Variants in CFAP77 observed in about 807,000 individuals in gnomAD.
CFAP77 encodes the protein cilia- and flagella-associated protein 77.
Under a neutral mutation model 31.1 loss-of-function variants are expected in CFAP77, and 25 were observed. That is an observed-to-expected ratio of 0.80 (90% CI 0.59 to 1.12). The LOEUF (loss-of-function observed/expected upper bound fraction) is 1.12, where lower values mean the gene tolerates loss of function less well. CFAP77 is among the 50% of genes most tolerant of loss of function. The pLI, the probability that CFAP77 is intolerant of heterozygous loss-of-function variation, is 0.00. For synonymous variants in CFAP77, 151 were observed against 159.9 expected (o/e 0.94, Z 0.42); for missense variants, 377 against 397.3 (o/e 0.95, Z 0.44).
intron 1 of CFAP77, among the ~76,000 whole-genome samples, chr9:132,447,552 G>C (rs1589855479): frequency 6.6e-6 from 1 of 152,150 alleles, no homozygotes; most frequent in Non-Finnish European, 1.5e-5. Flanking sequence ...CCTTTTCTTG[G>C]CCATCCCCAT....
intron 1 of CFAP77, among the ~76,000 whole-genome samples, chr9:132,457,392 C>T (rs978401646): frequency 6.6e-6 from 1 of 152,238 alleles, no homozygotes; most frequent in South Asian, 2.1e-4. Context: ...AATAGCTCGA[C>T]TGTGTCACTG....
At position 132,512,529 on chromosome 9, in the gene CFAP77, T is replaced by C. The variant is rs957121894; in HGVS notation, c.524+12929T>C. On this transcript the variant is annotated intron_variant, in intron 3 of 5. Coordinates refer to ENST00000393216, the MANE Select transcript of CFAP77 (RefSeq NM_001282957.2). The stretch of plus-strand genomic sequence containing the variant: ...AGAGTGTCCTGCATTTTAGGTGTCG[T>C]TGGGTTTTGAGAAAACAATCTTTAG... Among the ~76,000 whole-genome samples the C allele has an allele frequency of 5.3e-5, 8 of 152,208 alleles. No individual in the cohort carries two copies. The East Asian group carries it at 1.2e-3, about 22-fold the overall frequency.
chr9:132,531,388 C>T (rs573688473), intron 3 of CFAP77, among the ~76,000 whole-genome samples: 2 of 152,280 alleles, frequency 1.3e-5, no homozygotes, highest in South Asian at 4.1e-4. Flanking sequence ...GGGAGGGCGC[C>T]GGACCAGGGC....
intron 1 of CFAP77, among the ~76,000 whole-genome samples, chr9:132,423,298 T>A (rs1850255855): frequency 2.0e-5 from 3 of 152,210 alleles, no homozygotes. Context: ...CTCACGGGTC[T>A]GACTTCTCCC....
intron 1 of CFAP77, among the ~76,000 whole-genome samples, chr9:132,415,804 G>C (rs1457426948): frequency 6.6e-6 from 1 of 152,164 alleles, no homozygotes. Flanking sequence ...GTTTTCTATT[G>C]CAGTGGTTTG....
intron 5 of CFAP77, among the ~76,000 whole-genome samples, chr9:132,556,632 G>A (rs1184849958): frequency 1.3e-5 from 2 of 152,186 alleles, no homozygotes; most frequent in African/African-American, 2.4e-5. Context: ...GCTTGGGGGA[G>A]CCGGGCTGAC....
At chr9:132,449,006 G>C (rs183419241) in intron 1 of CFAP77, among the ~76,000 whole-genome samples, 1 of 152,314 alleles carries the variant, frequency 6.6e-6, no homozygotes, top group African/African-American at 2.4e-5. Flanking sequence ...TATGGGAAAA[G>C]CCCAACAACT....
chr9:132,460,892 A>G (rs1489307170), intron 1 of CFAP77, among the ~76,000 whole-genome samples: 1 of 151,906 alleles, frequency 6.6e-6, no homozygotes, highest in Non-Finnish European at 1.5e-5. Flanking sequence ...CGCCCAGCTA[A>G]TTTTTGTATT....
chr9:132,483,081 G>A (rs1851477145), intron 1 of CFAP77, among the ~76,000 whole-genome samples: 1 of 151,878 alleles, frequency 6.6e-6, no homozygotes, highest in Admixed American at 6.6e-5. Flanking sequence ...AGACCAGTCT[G>A]ACCAACATGG....
At chr9:132,420,723 C>T (rs996656173) in intron 1 of CFAP77, among the ~76,000 whole-genome samples, 1 of 152,038 alleles carries the variant, frequency 6.6e-6, no homozygotes, top group Non-Finnish European at 1.5e-5. Flanking sequence ...CATTCATTCA[C>T]TCACTTCTTT....
chr9:132,555,284 A>T (rs1318128595), intron 5 of CFAP77, among the ~76,000 whole-genome samples: 3 of 152,200 alleles, frequency 2.0e-5, no homozygotes, highest in African/African-American at 7.2e-5. Context: ...CATTATTCCA[A>T]TAAGATAAAA....
chr9:132,513,555 C>T (rs1270173672), intron 3 of CFAP77: 22 of 557,558 alleles, frequency 3.9e-5, no homozygotes, highest in East Asian at 2.7e-4. Flanking sequence ...GACTACTGAG[C>T]GGGGTCCTGT....
chr9:132,478,569 C>T (rs977750441), intron 1 of CFAP77, among the ~76,000 whole-genome samples: 3 of 152,118 alleles, frequency 2.0e-5, no homozygotes, highest in Non-Finnish European at 2.9e-5. Flanking sequence ...GCCCTGTCGG[C>T]GTGAGGTGTC....
rs147147517 is a variant in CFAP77 at position 132,476,813 on chromosome 9, T to TC, written c.196-21876dup. Among the ~76,000 whole-genome samples, 510 of 151,048 alleles carry TC rather than the reference T, an allele frequency of 3.4e-3. 2 individuals carry two copies. Among genetic ancestry groups the TC allele is most frequent in the African/African-American group, 0.011 (452 of 41,052 alleles). On this transcript the variant is annotated intron_variant, in intron 1 of 5. Transcript: ENST00000393216. ...AGCCGGGAGAGAGGCCTGGAATGAGTCCCCCCTCGGAGCCCCAGAAGGAAC... is the reference window on the plus strand; with the variant it reads ...AGCCGGGAGAGAGGCCTGGAATGAGTCCCCCCCTCGGAGCCCCAGAAGGAAC...
At chr9:132,507,563 A>C (rs1851953860) in intron 3 of CFAP77, among the ~76,000 whole-genome samples, 1 of 152,214 alleles carries the variant, frequency 6.6e-6, no homozygotes, top group Non-Finnish European at 1.5e-5. Context: ...TGTTAAAAAA[A>C]TGTTTGCTGC....
chr9:132,483,321 C>A (rs1408786342), intron 1 of CFAP77, among the ~76,000 whole-genome samples: 1 of 151,570 alleles, frequency 6.6e-6, no homozygotes, highest in East Asian at 1.9e-4. Flanking sequence ...AAAAACTCAC[C>A]CTTCCAAAGA....
At position 132,481,644 on chromosome 9, in the gene CFAP77, G is replaced by C. The variant is rs1041250037; in HGVS notation, c.196-17051G>C. Among the ~76,000 whole-genome samples, 2 of 152,180 alleles carry C rather than the reference G, an allele frequency of 1.3e-5. No individual in the cohort carries two copies. Among genetic ancestry groups the C allele is most frequent in the Non-Finnish European group, 2.9e-5 (2 of 68,036 alleles). ...GCAACCCCAGAGGCTGCGAAGAGGA[G>C]GGGGTGGGAGGACCCTGTCCTCCAG... On this transcript the variant is annotated intron_variant, in intron 1 of 5. Coordinates refer to ENST00000393216, the MANE Select transcript of CFAP77 (RefSeq NM_001282957.2). This position sits in a 1 kb window ranked among gnomAD's most constrained non-coding sequence, Gnocchi z 5.0.
In CFAP77 at chr9:132,499,448, C is replaced by T. The variant is rs745850534; in HGVS notation, c.372C>T (p.Asn124=). 2 of 1,614,238 alleles carry T rather than the reference C, an allele frequency of 1.2e-6. No individual in the cohort carries two copies. Among genetic ancestry groups the T allele is most frequent in the Admixed American group, 3.3e-5 (2 of 60,032 alleles). ...TGACCCGGAATTATATCGCAATGAA[C>T]CGCGGGGCGGTGAAAGCCGGCCTGG... The part of the protein sequence containing the change: ...HELTRNYIAM[N]RGAVKAGLVT... Residue 124 remains asparagine (N), a synonymous_variant, in exon 3 of 6, where the codon AAC becomes AAT. Coordinates refer to ENST00000393216, the MANE Select transcript of CFAP77 (RefSeq NM_001282957.2). This position sits in a 1 kb window ranked among gnomAD's most constrained non-coding sequence, Gnocchi z 5.4.
At chr9:132,478,369 C>T (rs894205370) in intron 1 of CFAP77, among the ~76,000 whole-genome samples, 1 of 150,360 alleles carries the variant, frequency 6.7e-6, no homozygotes, top group Non-Finnish European at 1.5e-5. Context: ...CAGGTGAAGA[C>T]GCGGCACTGG....
Sources: gnomAD v4.1 joint callset for allele counts (sites outside exome capture counted in the v4.1 genomes callset) on GRCh38, gnomAD v4.1.1 for gene constraint, Gnocchi (gnomAD v3.1) non-coding constraint, MANE v1.5 for transcripts, NCBI Gene and HGNC (gene_info 2026-07-23, HGNC 2026-07-21) for gene names.